Variants in GSG1L observed in about 807,000 individuals in gnomAD.
The protein encoded by GSG1L is germ cell-specific gene 1-like protein.
In GSG1L, 24 loss-of-function variants were observed where a neutral mutation model predicts 42.1. The observed-to-expected ratio is 0.57, with a 90% CI of 0.41 to 0.80. The LOEUF (loss-of-function observed/expected upper bound fraction) is 0.80. Ranked by LOEUF, GSG1L falls within the 30% of genes least tolerant of loss-of-function variation. The probability of loss-of-function intolerance (pLI) is 0.00; values close to 1 mark genes in which losing one functional copy is unlikely to be tolerated. For missense variants in GSG1L, 445 were observed against 472.2 expected (o/e 0.94, Z 0.53); for synonymous variants, 215 against 203.5 (o/e 1.06, Z -0.48).
At chr16:27,797,987 C>T (rs925757910) in intron 6 of GSG1L, among the ~76,000 whole-genome samples, 5 of 151,998 alleles carry the variant, frequency 3.3e-5, no homozygotes, top group Admixed American at 1.3e-4. Flanking sequence ...CAAGCACATA[C>T]GGCCATAGAA....
chr16:27,985,924 C>A (rs2085376483), intron 1 of GSG1L, among the ~76,000 whole-genome samples: 1 of 152,100 alleles, frequency 6.6e-6, no homozygotes, highest in Admixed American at 6.5e-5. Context: ...TGCCACTCAC[C>A]CCCTTTTTGG....
intron 2 of GSG1L, among the ~76,000 whole-genome samples, chr16:27,946,579 A>AGAGAGAGAGAGAGAGAGAGAGAGAGAGAG (rs2084864327): frequency 2.7e-5 from 1 of 36,998 alleles, no homozygotes; most frequent in African/African-American, 1.1e-4. Flanking sequence ...GAAAGAAAGA[A>AGAGAGAGAGAGAGAGAGAGAGAGAGAGAG]AGAGAGAGAG....
At chr16:27,840,913 C>T (rs57384065) in intron 4 of GSG1L, among the ~76,000 whole-genome samples, 6,066 of 152,222 alleles carry the variant, frequency 0.04, 417 homozygotes, top group African/African-American at 0.14. Context: ...AGCCACGCCC[C>T]AGATGACCTC....
rs376193024 is a variant in GSG1L, at chr16:27,845,080, A to G, written c.551-19T>C. On this transcript the variant is annotated intron_variant, in intron 3 of 6. Coordinates refer to ENST00000447459, the MANE Select transcript of GSG1L (RefSeq NM_001109763.2). ...AGGAGGCCTGTGGGGCAGAGAGCAGAGCAAAGCGTCAGGAAGTAAGGAAGG... is the reference window on the plus strand; with the variant it reads ...AGGAGGCCTGTGGGGCAGAGAGCAGGGCAAAGCGTCAGGAAGTAAGGAAGG... 17 of 1,564,056 alleles carry G rather than the reference A, an allele frequency of 1.1e-5. No homozygotes were observed. Among genetic ancestry groups the G allele is most frequent in the Non-Finnish European group, 8.8e-7 (1 of 1,137,020 alleles).
chr16:27,799,304 C>CAGG (rs10527013), intron 6 of GSG1L, among the ~76,000 whole-genome samples: 51,991 of 151,408 alleles, frequency 0.34, 9,085 homozygotes, highest in Admixed American at 0.43. Flanking sequence ...GAGTCCAAGG[C>CAGG]AGGATTATTA....
At chr16:27,839,143 A>G (rs1003700804) in intron 4 of GSG1L, among the ~76,000 whole-genome samples, 1 of 152,166 alleles carries the variant, frequency 6.6e-6, no homozygotes, top group South Asian at 2.1e-4. Context: ...CTGTTTCCAC[A>G]TAGTCATGGA....
chr16:28,013,323 A>T (rs922519941), intron 1 of GSG1L, among the ~76,000 whole-genome samples: 13 of 152,144 alleles, frequency 8.5e-5, no homozygotes, highest in Non-Finnish European at 1.6e-4. Context: ...GTTATACAGT[A>T]GGAGCCAGCT....
intron 3 of GSG1L, among the ~76,000 whole-genome samples, chr16:27,879,385 G>A (rs6498045): frequency 0.58 from 88,681 of 152,022 alleles, 26,321 homozygotes; most frequent in Middle Eastern, 0.67. Flanking sequence ...AAGGAGGATT[G>A]CTGGAGGACA....
chr16:27,956,731 C>A (rs553767080), intron 2 of GSG1L, among the ~76,000 whole-genome samples: 1 of 152,196 alleles, frequency 6.6e-6, no homozygotes, highest in Non-Finnish European at 1.5e-5. Flanking sequence ...GCAGATTGAG[C>A]CCAGCCTATA....
intron 1 of GSG1L, among the ~76,000 whole-genome samples, 153 bp downstream of exon 1, chr16:28,062,923 C>T (rs891974734): frequency 9.2e-5 from 14 of 151,998 alleles, no homozygotes; most frequent in African/African-American, 3.4e-4. Context: ...GCGCGCGCCC[C>T]CTGCCCCGGA....
intron 1 of GSG1L, among the ~76,000 whole-genome samples, chr16:28,056,952 T>C (rs1256970337): frequency 6.6e-6 from 1 of 152,012 alleles, no homozygotes; most frequent in Non-Finnish European, 1.5e-5. Context: ...CTGGAGGACA[T>C]TTGAGCAGAG....
chr16:28,035,392 T>G (rs941199846), intron 1 of GSG1L, among the ~76,000 whole-genome samples: 4 of 152,168 alleles, frequency 2.6e-5, no homozygotes, highest in Non-Finnish European at 5.9e-5. Context: ...GTGAGGATCT[T>G]TCTTTCATGG....
chr16:27,911,280 T>TCTCTCTCTCTCTCTC (rs1555507788), intron 2 of GSG1L, among the ~76,000 whole-genome samples: 30,707 of 143,320 alleles, frequency 0.21, 3,757 homozygotes, highest in Non-Finnish European at 0.26. Context: ...TCTCTCTCTC[T>TCTCTCTCTCTCTCTC]CTCTCTCTCT....
At chr16:27,894,853 C>T (rs2084172661) in intron 2 of GSG1L, among the ~76,000 whole-genome samples, 1 of 152,060 alleles carries the variant, frequency 6.6e-6, no homozygotes, top group African/African-American at 2.4e-5. Context: ...AGGCACTGTT[C>T]CACCTCCCAG....
At chr16:27,953,736 A>T (rs1232114481) in intron 2 of GSG1L, among the ~76,000 whole-genome samples, 2 of 152,096 alleles carry the variant, frequency 1.3e-5, no homozygotes. Context: ...AAAATTAGCC[A>T]GGCATGGTGG....
intron 2 of GSG1L, among the ~76,000 whole-genome samples, chr16:27,903,636 G>A (rs2084288358): frequency 6.6e-6 from 1 of 152,100 alleles, no homozygotes; most frequent in South Asian, 2.1e-4. Context: ...ATGCTCAGAT[G>A]CCCCCCCTTG....
chr16:27,823,016 T>C (rs1307164499), intron 5 of GSG1L, among the ~76,000 whole-genome samples: 2 of 152,184 alleles, frequency 1.3e-5, no homozygotes, highest in African/African-American at 2.4e-5. Flanking sequence ...CACAGCTGAA[T>C]TCCCTCTGGG....
At chr16:27,936,040 T>A (rs111991288) in intron 2 of GSG1L, among the ~76,000 whole-genome samples, 2,261 of 151,110 alleles carry the variant, frequency 0.015, 54 homozygotes, top group African/African-American at 0.052. Flanking sequence ...ACCCAGGGAA[T>A]CACCCCCACC....
At chr16:28,047,417 T>C (rs2086174120) in intron 1 of GSG1L, among the ~76,000 whole-genome samples, 1 of 151,534 alleles carries the variant, frequency 6.6e-6, no homozygotes, top group Non-Finnish European at 1.5e-5. Flanking sequence ...AAACTAAAAA[T>C]TGGGAACATT....
Sources: allele counts gnomAD v4.1 joint callset (sites outside exome capture counted in the v4.1 genomes callset), GRCh38; gene constraint gnomAD v4.1.1; transcripts MANE v1.5; gene names NCBI Gene and HGNC (gene_info 2026-07-23, HGNC 2026-07-21).